The following MGAT4C variants were observed in gnomAD, a reference collection of about 807,000 sequenced individuals.
The protein encoded by MGAT4C is alpha-1,3-mannosyl-glycoprotein 4-beta-N-acetylglucosaminyltransferase C.
Under a neutral mutation model 40.1 loss-of-function variants are expected in MGAT4C, and 19 were observed. The observed-to-expected ratio is 0.47, with a 90% CI of 0.33 to 0.70. The LOEUF (loss-of-function observed/expected upper bound fraction) is 0.70. Among genes scored for constraint, MGAT4C ranks in the 30% least tolerant of loss-of-function variants. The pLI is 0.02. For missense variants in MGAT4C, 491 were observed against 563.2 expected, an observed-to-expected ratio of 0.87 and a Z score of 1.30; for synonymous variants, 181 against 187.1, an observed-to-expected ratio of 0.97 and a Z score of 0.27.
intron 1 of MGAT4C, among the ~76,000 whole-genome samples, chr12:86,194,802 T>C (rs1949738694): frequency 6.6e-6 from 1 of 152,144 alleles, no homozygotes; most frequent in Non-Finnish European, 1.5e-5. Context: ...ATAAGATTGA[T>C]TCAAAGTTGG....
At chr12:86,234,435 C>A (rs971747447) in intron 1 of MGAT4C, among the ~76,000 whole-genome samples, 1 of 152,142 alleles carries the variant, frequency 6.6e-6, no homozygotes, top group East Asian at 1.9e-4. Flanking sequence ...TTTGTATGCA[C>A]ACTTGAGAGA....
chr12:86,645,045 A>C (rs1339854970), intron 2 of MGAT4C, among the ~76,000 whole-genome samples: 1 of 151,598 alleles, frequency 6.6e-6, no homozygotes, highest in Non-Finnish European at 1.5e-5. Flanking sequence ...ACTTATATAC[A>C]TATGTGATCT....
chr12:86,627,940 A>G (rs1962875711), intron 2 of MGAT4C, among the ~76,000 whole-genome samples: 1 of 152,160 alleles, frequency 6.6e-6, no homozygotes, highest in African/African-American at 2.4e-5. Context: ...GTAATAACAA[A>G]CTTCCCTGAG....
chr12:86,529,751 T>C (rs1306018553), intron 2 of MGAT4C, among the ~76,000 whole-genome samples: 1 of 151,996 alleles, frequency 6.6e-6, no homozygotes, highest in Non-Finnish European at 1.5e-5. Context: ...AGTTTTTTTA[T>C]TGTGTACACA....
At chr12:86,588,192 A>T (rs1272429942) in intron 2 of MGAT4C, among the ~76,000 whole-genome samples, 3 of 151,934 alleles carry the variant, frequency 2.0e-5, no homozygotes, top group Middle Eastern at 3.2e-3. Flanking sequence ...CCTTTTCTGC[A>T]TCTATTGAGA....
intron 1 of MGAT4C, among the ~76,000 whole-genome samples, chr12:86,768,143 T>C (rs1049482499): frequency 1.2e-4 from 18 of 152,246 alleles, no homozygotes; most frequent in African/African-American, 4.1e-4. Flanking sequence ...AAAATCTCCT[T>C]AAGCTGATAA....
chr12:86,698,681 G>T (rs180739162), intron 2 of MGAT4C, among the ~76,000 whole-genome samples: 17 of 142,792 alleles, frequency 1.2e-4, no homozygotes, highest in East Asian at 1.0e-3. Context: ...TGAGCTGTGG[G>T]GGGGGTGGGT....
At chr12:86,422,877 A>G (rs1314567770) in intron 3 of MGAT4C, among the ~76,000 whole-genome samples, 1 of 152,172 alleles carries the variant, frequency 6.6e-6, no homozygotes, top group Non-Finnish European at 1.5e-5. Flanking sequence ...CAAGGGCTTA[A>G]TATATCTGAT....
chr12:86,507,747 A>G (rs1484479750), intron 2 of MGAT4C, among the ~76,000 whole-genome samples: 1 of 152,172 alleles, frequency 6.6e-6, no homozygotes, highest in Non-Finnish European at 1.5e-5. Flanking sequence ...GCAATAGTTT[A>G]CTGAATCTTT....
intron 1 of MGAT4C, among the ~76,000 whole-genome samples, chr12:86,810,076 C>T (rs1952443107): frequency 6.6e-6 from 1 of 151,954 alleles, no homozygotes; most frequent in African/African-American, 2.4e-5. Context: ...AAAATCCATA[C>T]AGAGTCTTTT....
At chr12:86,313,091 C>T (rs1954120077) in intron 4 of MGAT4C, among the ~76,000 whole-genome samples, 2 of 152,096 alleles carry the variant, frequency 1.3e-5, no homozygotes, top group African/African-American at 4.8e-5. Context: ...TGATAATCAA[C>T]AGTTAGCAAA....
At position 86,111,929 on chromosome 12, in the gene MGAT4C, T is replaced by C. The variant is rs370144697; in HGVS notation, c.-56-62206A>G. Among the ~76,000 whole-genome samples, 30 of 151,962 alleles carry C rather than the reference T, an allele frequency of 2.0e-4. 1 individual carries two copies. Among genetic ancestry groups the C allele is most frequent in the African/African-American group, 6.3e-4 (26 of 41,538 alleles). On this transcript the variant is annotated intron_variant, in intron 1 of 4. Transcript: ENST00000611864. ...TGTGTATCACCAGTCATTTCAATAATGCAATTATTTGAAAAATATAACTAC... is the reference window on the plus strand; with the variant it reads ...TGTGTATCACCAGTCATTTCAATAACGCAATTATTTGAAAAATATAACTAC...
chr12:86,681,131 T>C (rs958348367), intron 2 of MGAT4C, among the ~76,000 whole-genome samples: 3 of 151,948 alleles, frequency 2.0e-5, no homozygotes, highest in Admixed American at 6.6e-5. Context: ...ATTCTCTCTA[T>C]GTATGGATGC....
chr12:86,090,212 A>G (rs1349555062), intron 1 of MGAT4C, among the ~76,000 whole-genome samples: 1 of 151,726 alleles, frequency 6.6e-6, no homozygotes, highest in Non-Finnish European at 1.5e-5. Context: ...TTATGTTAAA[A>G]GAGATTTAGT....
At chr12:86,013,746 AG>A in intron 2 of MGAT4C, 1 of 984,476 alleles carries the variant, frequency 1.0e-6, no homozygotes, top group Non-Finnish European at 1.2e-6. Flanking sequence ...AGTGTCAGTC[AG>A]GTCCACAGAA....
At chr12:86,583,924 C>T (rs910996239) in intron 2 of MGAT4C, among the ~76,000 whole-genome samples, 1 of 150,922 alleles carries the variant, frequency 6.6e-6, no homozygotes, top group African/African-American at 2.4e-5. Context: ...TAGACTGTCT[C>T]TTCCTTTACC....
At chr12:86,621,793 T>G (rs185639907) in intron 2 of MGAT4C, among the ~76,000 whole-genome samples, 2 of 152,196 alleles carry the variant, frequency 1.3e-5, no homozygotes, top group Non-Finnish European at 2.9e-5. Context: ...TAAGTTGACT[T>G]AACAATTTTT....
At chr12:86,231,228 A>G (rs1192141784) in intron 1 of MGAT4C, among the ~76,000 whole-genome samples, 1 of 152,194 alleles carries the variant, frequency 6.6e-6, no homozygotes, top group East Asian at 1.9e-4. Context: ...TATTTTGCAC[A>G]TATTTGAAAA....
chr12:86,536,865 T>G (rs1355408500), intron 2 of MGAT4C, among the ~76,000 whole-genome samples: 1 of 152,250 alleles, frequency 6.6e-6, no homozygotes, highest in African/African-American at 2.4e-5. Flanking sequence ...ATCCCATTAC[T>G]GGGTATATAC....
Sources: allele counts gnomAD v4.1 joint callset (sites outside exome capture counted in the v4.1 genomes callset), GRCh38; gene constraint gnomAD v4.1.1; transcripts MANE v1.5; gene names NCBI Gene and HGNC (gene_info 2026-07-23, HGNC 2026-07-21).